The following HELZ variants were observed in gnomAD, a reference collection of about 807,000 sequenced individuals.
The protein encoded by HELZ is helicase with zinc finger, also known as ATP-dependent RNA helicase with zinc finger domain.
A neutral mutation model predicts 218.2 loss-of-function variants in HELZ; 23 were observed. That is an observed-to-expected ratio of 0.11 (90% CI 0.08 to 0.15). The LOEUF is 0.15. HELZ is among the 10% of genes least tolerant of loss of function. The pLI is 1.00. For missense variants in HELZ, 1,813 were observed against 2,353.7 expected, an observed-to-expected ratio of 0.77 and a Z score of 4.75; for synonymous variants, 814 against 829.4, an observed-to-expected ratio of 0.98 and a Z score of 0.32.
intron 3 of HELZ, among the ~76,000 whole-genome samples, chr17:67,233,783 T>C (rs892224115): frequency 6.6e-5 from 10 of 152,022 alleles, no homozygotes; most frequent in African/African-American, 1.9e-4. Context: ...TAATGTCCCA[T>C]TCTTCCAGCC....
At chr17:67,082,266 G>A (rs963639066) in intron 32 of HELZ, among the ~76,000 whole-genome samples, 2 of 152,210 alleles carry the variant, frequency 1.3e-5, no homozygotes, top group African/African-American at 4.8e-5. Flanking sequence ...GATATTTAGT[G>A]AGGTAGCTCT....
At chr17:67,079,340 C>T (rs770685782) in intron 32 of HELZ, among the ~76,000 whole-genome samples, 15 of 152,070 alleles carry the variant, frequency 9.9e-5, no homozygotes, top group Non-Finnish European at 1.9e-4. Flanking sequence ...TTCTAAATAC[C>T]AGAGATAAGC....
chr17:67,149,395 C>T (rs992801804), intron 19 of HELZ, among the ~76,000 whole-genome samples: 2 of 152,152 alleles, frequency 1.3e-5, no homozygotes, highest in African/African-American at 4.8e-5. Flanking sequence ...CTCTTTCCTA[C>T]ATATAGATAT....
In HELZ at chr17:67,158,867, G is replaced by C. The variant is rs75490878; in HGVS notation, c.2177+1394C>G. On this transcript the variant is annotated intron_variant, in intron 17 of 32. Transcript: ENST00000358691. ...AAAGCTAAATATAAGCTAGTCGAGT[G>C]ACGGATTTAGTGTTCATCAGCAACA... Among the ~76,000 whole-genome samples, 678 of 152,208 alleles carry C rather than the reference G, an allele frequency of 4.5e-3. 31 individuals are homozygous for C. The East Asian group carries it at 0.096, about 22-fold the overall frequency.
intron 17 of HELZ, among the ~76,000 whole-genome samples, chr17:67,159,292 T>C (rs2038930690): frequency 6.6e-6 from 1 of 152,134 alleles, no homozygotes; most frequent in Non-Finnish European, 1.5e-5. Context: ...AAAGTAAAAA[T>C]AAAATATGGC....
intron 31 of HELZ, among the ~76,000 whole-genome samples, chr17:67,096,965 T>G (rs1385973256): frequency 1.3e-5 from 2 of 152,238 alleles, no homozygotes; most frequent in Non-Finnish European, 2.9e-5. Flanking sequence ...ACATGCCATT[T>G]TCACTAAGCT....
At chr17:67,148,908 C>T (rs1304658437) in intron 19 of HELZ, among the ~76,000 whole-genome samples, 194 bp from the exon 20 acceptor site, 1 of 152,180 alleles carries the variant, frequency 6.6e-6, no homozygotes, top group Non-Finnish European at 1.5e-5. Flanking sequence ...AAATTTCTAA[C>T]TTCTCATTGC....
intron 3 of HELZ, among the ~76,000 whole-genome samples, chr17:67,235,906 A>C (rs993848760): frequency 6.6e-6 from 1 of 151,828 alleles, no homozygotes; most frequent in Non-Finnish European, 1.5e-5. Flanking sequence ...GACTACAGGC[A>C]CCTGCCACCA....
At position 67,122,920 on chromosome 17, in the gene HELZ, G is replaced by A. The variant is rs750657727; in HGVS notation, c.3630+50C>T. 12 of 1,375,760 alleles carry A rather than the reference G, an allele frequency of 8.7e-6. No homozygotes were observed. In the African/African-American group the frequency reaches 1.1e-4, roughly 13 times the overall value. 85.2% of individuals were successfully genotyped at this position (1,375,760 alleles called of 1,614,324 possible). A position where few individuals can be genotyped will look rare whatever the true frequency, so the allele number is the denominator to read the frequency against. On this transcript the variant is annotated intron_variant, in intron 26 of 32. Transcript: ENST00000358691. Reference sequence around the variant, plus strand: ...TATTTGGGATTAGAACCATTTTAGTGAAACCTATTTTACTTGATTCAATAG... The same window carrying A: ...TATTTGGGATTAGAACCATTTTAGTAAAACCTATTTTACTTGATTCAATAG...
At chr17:67,120,332 A>C in intron 27 of HELZ, 73 bp downstream of exon 27, 1 of 1,230,434 alleles carries the variant, frequency 8.1e-7, no homozygotes, top group Non-Finnish European at 1.2e-6. Flanking sequence ...ATACTGTTAA[A>C]GGAACTTTCT....
chr17:67,140,075 T>C (rs1393466362), intron 21 of HELZ, among the ~76,000 whole-genome samples: 1 of 152,218 alleles, frequency 6.6e-6, no homozygotes, highest in East Asian at 1.9e-4. Context: ...AGAAGACCTA[T>C]GCTGGGTAGA....
rs74357962 is a variant in HELZ at position 67,182,799 on chromosome 17, T to C, written c.1163-3873A>G. On this transcript the variant is annotated intron_variant, in intron 12 of 32. Transcript: ENST00000358691. Reference sequence around the variant, plus strand: ...TCCCTTGGCCTTCTGACCCTGAGAATAGCAGTGCTTGCATTTCAACCACAT... The same window carrying C: ...TCCCTTGGCCTTCTGACCCTGAGAACAGCAGTGCTTGCATTTCAACCACAT... Among the ~76,000 whole-genome samples, 1,349 of 152,346 alleles carry C rather than the reference T, an allele frequency of 8.9e-3. 22 individuals carry two copies. The highest frequency in any genetic ancestry group is 0.029 in the African/African-American group (1,222 of 41,586).
rs534634592 is a variant in HELZ at position 67,088,973 on chromosome 17, C to T, written c.5242-1892G>A. 1.1e-4 allele frequency among the ~76,000 whole-genome samples: 17 copies of T among 152,280 alleles called. No homozygotes were observed. The South Asian group carries it at 1.7e-3, about 15-fold the overall frequency. On this transcript the variant is annotated intron_variant, in intron 31 of 32. Transcript: ENST00000358691. ...TGACAACCCTGGATCACAATGGCTG[C>T]GCAGCGTGTCTTTTTTTTTAAATCA...
chr17:67,231,387 A>C (rs577111533), intron 3 of HELZ, among the ~76,000 whole-genome samples: 1 of 151,958 alleles, frequency 6.6e-6, no homozygotes, highest in Non-Finnish European at 1.5e-5. Flanking sequence ...AGGTCAGGAG[A>C]TCGAGACCAT....
At chr17:67,174,259 C>A (rs187144963) in intron 13 of HELZ, among the ~76,000 whole-genome samples, 2 of 149,488 alleles carry the variant, frequency 1.3e-5, no homozygotes, top group Non-Finnish European at 3.0e-5. Context: ...TGTATTTTAT[C>A]TAATCTTGAG....
At position 67,166,512 on chromosome 17, in the gene HELZ, T is replaced by G. The variant is rs769988745; in HGVS notation, c.1861A>C (p.Ser621Arg). 6.2e-7 allele frequency: 1 copy of G among 1,613,472 alleles called. No individual in the cohort carries two copies. The highest frequency in any genetic ancestry group is 1.1e-5 in the South Asian group (1 of 91,058). Residue 621 changes from serine (S) to arginine (R), a missense_variant, in exon 15 of 33, where the codon AGT becomes CGT. Ser to Arg is a moderately radical substitution (Grantham distance 110, BLOSUM62 -1). Transcript: ENST00000358691. ...CTCCATGGTATGGTGGGAGTCATAC[T>G]GATGTCTGGAAACAAAACCCCATTG... is the stretch of plus-strand genomic sequence containing the variant. ...KDNGVLFPDI[S>R]MTPTIPWSPN...
At chr17:67,147,120 C>G (rs1360269271) in intron 20 of HELZ, among the ~76,000 whole-genome samples, 1 of 152,054 alleles carries the variant, frequency 6.6e-6, no homozygotes, top group Non-Finnish European at 1.5e-5. Flanking sequence ...ATAAGCAAAC[C>G]ATCATGCTGT....
At position 67,078,238 on chromosome 17, in the gene HELZ, GA is replaced by G. The variant is rs35467630; in HGVS notation, c.*13del. The G allele has an allele frequency of 6.6e-5, 101 of 1,540,324 alleles. No homozygotes were observed. Among genetic ancestry groups the G allele is most frequent in the African/African-American group, 2.3e-4 (17 of 73,462 alleles). On this transcript the variant is annotated 3_prime_UTR_variant, in exon 33 of 33. Transcript: ENST00000358691. ...GAAATTAAAACATTCTCCCTTGAGG[GA>G]AAAAAAAAGTGATTATTTAAAATAT...
At chr17:67,150,130 C>CTTTTTTTTTTT (rs11408678) in intron 18 of HELZ, 145 bp from the exon 19 acceptor site, 16 of 180,112 alleles carry the variant, frequency 8.9e-5, no homozygotes, top group East Asian at 2.3e-4. Context: ...TATTTTCTTT[C>CTTTTTTTTTTT]TTTTTTTTTT....
Sources: gnomAD v4.1 joint callset for allele counts (sites outside exome capture counted in the v4.1 genomes callset) on GRCh38, gnomAD v4.1.1 for gene constraint, MANE v1.5 for transcripts, NCBI Gene and HGNC (gene_info 2026-07-23, HGNC 2026-07-21) for gene names.